The following UGT2A2 variants were observed in gnomAD, a reference collection of about 807,000 sequenced individuals.
UGT2A2 encodes the protein UDP-glucuronosyltransferase 2A2.
Under a neutral mutation model 50.7 loss-of-function variants are expected in UGT2A2, and 60 were observed. The observed-to-expected ratio is 1.18, with a 90% CI of 0.96 to 1.47. The LOEUF is 1.47. Among genes scored for constraint, UGT2A2 ranks in the 40% most tolerant of loss-of-function variants. The pLI is 0.00. For missense variants in UGT2A2, 762 were observed against 634.0 expected, an observed-to-expected ratio of 1.20 and a Z score of -2.17; for synonymous variants, 242 against 214.6, an observed-to-expected ratio of 1.13 and a Z score of -1.11.
intron 1 of UGT2A2, among the ~76,000 whole-genome samples, chr4:69,622,895 T>G (rs890359500): frequency 2.6e-5 from 4 of 151,956 alleles, no homozygotes; most frequent in African/African-American, 9.6e-5. Context: ...TCAGCCTCAT[T>G]TATAATTCTG....
At chr4:69,601,075 G>A (rs893129457) in intron 1 of UGT2A2, among the ~76,000 whole-genome samples, 5 of 152,158 alleles carry the variant, frequency 3.3e-5, no homozygotes, top group African/African-American at 4.8e-5. Flanking sequence ...CCTGATGCTA[G>A]TGGAATACTG....
In UGT2A2 at chr4:69,589,498, G is replaced by A. The variant is rs1049992932; in HGVS notation, c.1485C>T (p.Tyr495=). The change falls in exon 6 of 6, where the codon TAC becomes TAT. Residue 495 remains tyrosine, a synonymous_variant. Coordinates refer to ENST00000604629, the MANE Select transcript of UGT2A2 (RefSeq NM_001105677.2). ...AGAACCCAATTACATCCAAAGAGTG[G>A]TACTGGAACCAGGTGAGGTCATGGG... The part of the protein sequence containing the change: ...VAAHDLTWFQ[Y]HSLDVIGFLL... 1.9e-6 allele frequency: 3 copies of A among 1,613,936 alleles called. No individual in the cohort carries two copies. In the Admixed American group the frequency reaches 5.0e-5, roughly 27 times the overall value.
intron 1 of UGT2A2, among the ~76,000 whole-genome samples, chr4:69,617,977 G>A (rs952812580): frequency 4.0e-5 from 6 of 151,706 alleles, no homozygotes; most frequent in South Asian, 2.1e-4. Flanking sequence ...TATGTCTTTC[G>A]GAAATCATTC....
rs537515968 is a variant in UGT2A2 at position 69,599,028 on chromosome 4, AC to A, written c.891+217del. ...GTAGACACACTGATATTTGTAACAC[AC>A]AGCTTTAATCATTTTATTCTTCAGT... is the stretch of plus-strand genomic sequence containing the variant. On this transcript the variant is annotated intron_variant, in intron 2 of 5. Transcript: ENST00000604629. 2.6e-5 allele frequency among the ~76,000 whole-genome samples: 4 copies of A among 152,112 alleles called. No individual in the cohort carries two copies. The South Asian group carries it at 6.2e-4, about 24-fold the overall frequency.
At chr4:69,616,271 A>G (rs1720376483) in intron 1 of UGT2A2, among the ~76,000 whole-genome samples, 1 of 151,974 alleles carries the variant, frequency 6.6e-6, no homozygotes, top group South Asian at 2.1e-4. Flanking sequence ...GGGCATGATT[A>G]ATAGCTACAA....
rs1718811580 is a variant in UGT2A2, at chr4:69,594,672, A to G, written c.1136T>C (p.Ile379Thr). The G allele has an allele frequency of 1.2e-6, 2 of 1,613,874 alleles. No homozygotes were observed. Among genetic ancestry groups the G allele is most frequent in the Non-Finnish European group, 1.7e-6 (2 of 1,179,956 alleles). ...LLGHPKTKAF[I>T]THGGTNGIYE... ...GATCCCATTAGTTCCACCATGAGTG[A>G]TAAAAGCTTTGGTTTTGGGATGTCC... The change falls in exon 5 of 6, where the codon ATC becomes ACC. Residue 379 changes from isoleucine to threonine, a missense_variant. By Grantham distance (89) the Ile-to-Thr change is moderately conservative. Transcript: ENST00000604629.
chr4:69,590,496 T>G (rs1718525973), intron 5 of UGT2A2, among the ~76,000 whole-genome samples: 1 of 152,184 alleles, frequency 6.6e-6, no homozygotes, highest in South Asian at 2.1e-4. Flanking sequence ...TTCATGAAGA[T>G]GAGCGAAGGT....
chr4:69,614,892 G>T, intron 1 of UGT2A2, among the ~76,000 whole-genome samples: 1 of 152,052 alleles, frequency 6.6e-6, no homozygotes, highest in East Asian at 1.9e-4. Context: ...AGGAGGCATG[G>T]TTGGGAGGCC....
intron 1 of UGT2A2, among the ~76,000 whole-genome samples, chr4:69,605,036 T>C (rs1377920598): frequency 5.2e-5 from 7 of 135,706 alleles, no homozygotes; most frequent in Admixed American, 3.7e-4. Context: ...AACAAGTATA[T>C]CCAGGAATTG....
chr4:69,624,359 G>T (rs1720918144), intron 1 of UGT2A2, among the ~76,000 whole-genome samples: 1 of 150,672 alleles, frequency 6.6e-6, no homozygotes, highest in East Asian at 1.9e-4. Context: ...TTTTCTTTAT[G>T]AGTTTCTTAA....
rs770885605 is a variant in UGT2A2 at position 69,594,503 on chromosome 4, AGCGC to A, written c.1301_1304del (p.Ser434IlefsTer2). On this transcript the variant is annotated frameshift_variant, in exon 5 of 6. Coordinates refer to ENST00000604629, the MANE Select transcript of UGT2A2 (RefSeq NM_001105677.2). LOFTEE classifies it high-confidence loss of function. ...AAGGTTCATTAATGACTGTTCTCAA[AGCGC>A]TAAGCAAATCCACACTTGTCATTGT... 11 of 1,614,038 alleles carry A rather than the reference AGCGC, an allele frequency of 6.8e-6. No homozygotes were observed. Among genetic ancestry groups the A allele is most frequent in the Admixed American group, 1.7e-5 (1 of 59,982 alleles).
chr4:69,607,598 A>C (rs921226983), intron 1 of UGT2A2, among the ~76,000 whole-genome samples: 1 of 152,180 alleles, frequency 6.6e-6, no homozygotes, highest in Admixed American at 6.5e-5. Context: ...GAGCTTCTGC[A>C]CAGGAAAAGA....
chr4:69,615,741 CA>C (rs1003509536), intron 1 of UGT2A2, among the ~76,000 whole-genome samples: 3 of 151,648 alleles, frequency 2.0e-5, no homozygotes, highest in East Asian at 1.9e-4. Flanking sequence ...AACAGACAGA[CA>C]AAAAAACAGG....
intron 1 of UGT2A2, among the ~76,000 whole-genome samples, chr4:69,608,321 CA>C (rs11323266): frequency 0.26 from 38,479 of 145,576 alleles, 5,400 homozygotes; most frequent in African/African-American, 0.38. Flanking sequence ...ATCTCAAGGA[CA>C]AAAAAACAAA....
intron 5 of UGT2A2, 65 bp from the exon 6 acceptor site, chr4:69,589,716 A>G: frequency 6.4e-7 from 1 of 1,550,780 alleles, no homozygotes. Flanking sequence ...GAAGATAAAT[A>G]TGTGATACAC....
At chr4:69,608,467 GT>G (rs1338249409) in intron 1 of UGT2A2, among the ~76,000 whole-genome samples, 2 of 151,880 alleles carry the variant, frequency 1.3e-5, no homozygotes, top group African/African-American at 4.8e-5. Flanking sequence ...TATACCTAAT[GT>G]TAAATGATGA....
At chr4:69,628,357 A>G (rs1318580894) in intron 1 of UGT2A2, among the ~76,000 whole-genome samples, 1 of 151,924 alleles carries the variant, frequency 6.6e-6, no homozygotes, top group South Asian at 2.1e-4. Flanking sequence ...TAGTTTCAAA[A>G]TACACTACAA....
In UGT2A2 at chr4:69,596,493, A is replaced by C. The variant is rs754779494; in HGVS notation, c.892-112T>G. On this transcript the variant is annotated intron_variant, in intron 2 of 5. Transcript: ENST00000604629. ...AGATATATGTCAGAGAAACTGTTGA[A>C]CTGTCTGTCTTCTGACATGTAGAAA... 927 of 1,316,866 alleles carry C rather than the reference A, an allele frequency of 7.0e-4. 3 individuals carry two copies. The highest frequency in any genetic ancestry group is 5.4e-4 in the Non-Finnish European group (550 of 1,018,090). The allele number at this position is 1,316,866 out of a possible 1,614,324, so 81.6% of individuals were successfully genotyped here.
chr4:69,598,133 A>T (rs1719049263), intron 2 of UGT2A2, among the ~76,000 whole-genome samples: 1 of 152,186 alleles, frequency 6.6e-6, no homozygotes, highest in South Asian at 2.1e-4. Context: ...CCTATAATAA[A>T]CATTCACTAG....
Sources: allele counts gnomAD v4.1 joint callset (sites outside exome capture counted in the v4.1 genomes callset), GRCh38; gene constraint gnomAD v4.1.1; transcripts MANE v1.5; gene names NCBI Gene and HGNC (gene_info 2026-07-23, HGNC 2026-07-21).